Variants in OXR1 observed in about 807,000 individuals in gnomAD.
OXR1 encodes the protein oxidation resistance protein 1.
In OXR1, 41 loss-of-function variants were observed where a neutral mutation model predicts 104.6. That is an observed-to-expected ratio of 0.39 (90% confidence interval 0.31 to 0.51). The LOEUF is 0.51. Among genes scored for constraint, OXR1 ranks in the 20% least tolerant of loss-of-function variants. The pLI is 0.77. For synonymous variants in OXR1, 348 were observed against 348.4 expected (o/e 1.00, Z 0.01); for missense variants, 955 against 1,031.9 (o/e 0.93, Z 1.02).
chr8:106,387,368 G>A (rs1161184370), intron 2 of OXR1, among the ~76,000 whole-genome samples: 1 of 152,120 alleles, frequency 6.6e-6, no homozygotes, highest in Non-Finnish European at 1.5e-5. Context: ...AAGCTGGTGG[G>A]TTTACCACAG....
chr8:106,509,367 A>T (rs929236659), intron 2 of OXR1, among the ~76,000 whole-genome samples: 3 of 152,228 alleles, frequency 2.0e-5, no homozygotes, highest in Non-Finnish European at 4.4e-5. Flanking sequence ...TAGTGACATA[A>T]TCAGAAAGCA....
At chr8:106,560,942 T>G (rs755566679) in intron 3 of OXR1, among the ~76,000 whole-genome samples, 3 of 152,112 alleles carry the variant, frequency 2.0e-5, no homozygotes, top group Non-Finnish European at 4.4e-5. Context: ...AGGGAAGCTG[T>G]GAGGGACTGT....
At chr8:106,454,460 C>CAA (rs954067249) in intron 2 of OXR1, among the ~76,000 whole-genome samples, 4 of 63,664 alleles carry the variant, frequency 6.3e-5, no homozygotes, top group African/African-American at 2.3e-4. Context: ...GACTCTGTCT[C>CAA]AAAAAAAAAA....
chr8:106,361,028 T>C (rs1366540592), intron 2 of OXR1, among the ~76,000 whole-genome samples: 1 of 152,220 alleles, frequency 6.6e-6, no homozygotes, highest in East Asian at 1.9e-4. Flanking sequence ...CTGGCCTCGG[T>C]GCATGCTTCT....
chr8:106,729,407 A>G (rs1833665420), intron 11 of OXR1, among the ~76,000 whole-genome samples: 1 of 152,066 alleles, frequency 6.6e-6, no homozygotes, highest in African/African-American at 2.4e-5. Flanking sequence ...TATACTTTAT[A>G]CATATTATTT....
chr8:106,739,153 AG>A (rs926682075), intron 12 of OXR1, among the ~76,000 whole-genome samples: 4 of 150,740 alleles, frequency 2.7e-5, no homozygotes, highest in African/African-American at 4.9e-5. Context: ...TTGCCCTTCA[AG>A]GGCTTAATTA....
intron 3 of OXR1, among the ~76,000 whole-genome samples, chr8:106,588,080 T>C (rs867222372): frequency 1.3e-5 from 2 of 151,964 alleles, no homozygotes; most frequent in African/African-American, 4.8e-5. Flanking sequence ...GCCTCCCAAG[T>C]AGCTGGGACT....
intron 2 of OXR1, among the ~76,000 whole-genome samples, chr8:106,368,000 G>T (rs1816547557): frequency 1.3e-5 from 2 of 152,150 alleles, no homozygotes; most frequent in African/African-American, 4.8e-5. Context: ...AGGGAGGCAT[G>T]TAGGCCAAGA....
chr8:106,305,251 T>A (rs1813421902), intron 1 of OXR1, among the ~76,000 whole-genome samples: 1 of 152,158 alleles, frequency 6.6e-6, no homozygotes, highest in African/African-American at 2.4e-5. Flanking sequence ...CAAATTTGTG[T>A]TAACAAGTTT....
chr8:106,307,730 T>A (rs1481537376), intron 1 of OXR1, among the ~76,000 whole-genome samples: 1 of 152,084 alleles, frequency 6.6e-6, no homozygotes, highest in Non-Finnish European at 1.5e-5. Context: ...AATGAGTACA[T>A]AGTTTGACAT....
At chr8:106,465,694 G>A (rs1278912092) in intron 2 of OXR1, among the ~76,000 whole-genome samples, 1 of 151,914 alleles carries the variant, frequency 6.6e-6, no homozygotes, top group East Asian at 1.9e-4. Context: ...AATGATACCA[G>A]GGTTTTTGTT....
intron 2 of OXR1, among the ~76,000 whole-genome samples, chr8:106,393,875 C>T (rs1817675998): frequency 6.6e-6 from 1 of 151,678 alleles, no homozygotes; most frequent in South Asian, 2.1e-4. Flanking sequence ...ATTTGATATT[C>T]CTATATATTT....
At chr8:106,656,465 C>T (rs1825088115) in intron 3 of OXR1, 1 of 152,232 alleles carries the variant, frequency 6.6e-6, no homozygotes, top group Non-Finnish European at 1.5e-5. Context: ...TCCCAAAGGC[C>T]CCATCTCCTA....
At chr8:106,683,085 A>G (rs540092768) in intron 4 of OXR1, 114 bp from the exon 5 acceptor site, 1 of 549,976 alleles carries the variant, frequency 1.8e-6, no homozygotes, top group African/African-American at 1.9e-5. Flanking sequence ...AGATGACAAT[A>G]CCAGTTGTTA....
chr8:106,453,425 T>C (rs1820432677), intron 2 of OXR1, among the ~76,000 whole-genome samples: 1 of 152,222 alleles, frequency 6.6e-6, no homozygotes, highest in Non-Finnish European at 1.5e-5. Context: ...GCAGTTGAAA[T>C]TGTCTGCTGG....
In OXR1 at chr8:106,344,404, C is replaced by A. The variant is rs140240840; in HGVS notation, c.-138-15072C>A. Among the ~76,000 whole-genome samples, 521 of 152,320 alleles carry A rather than the reference C, an allele frequency of 3.4e-3. 4 individuals carry two copies. The highest frequency in any genetic ancestry group is 0.012 in the African/African-American group (494 of 41,570). ...TCAAGCTGGAGAGCAGTGGCACAAT[C>A]TCGGCTCACTGCAACCTCCGCCTCC... On this transcript the variant is annotated intron_variant, in intron 1 of 16. Coordinates refer to ENST00000517566, the MANE Select transcript of OXR1 (RefSeq NM_001198533.2).
At chr8:106,378,113 C>G (rs17252342) in intron 2 of OXR1, among the ~76,000 whole-genome samples, 13,952 of 152,240 alleles carry the variant, frequency 0.092, 709 homozygotes, top group Middle Eastern at 0.14. Context: ...GTCCATCAAC[C>G]TGTCACATTA....
At chr8:106,310,102 A>G (rs1281899079) in intron 1 of OXR1, among the ~76,000 whole-genome samples, 1 of 151,878 alleles carries the variant, frequency 6.6e-6, no homozygotes, top group Admixed American at 6.6e-5. Context: ...TTAGTCATAA[A>G]TTTTCAGTTA....
intron 3 of OXR1, among the ~76,000 whole-genome samples, chr8:106,523,940 A>G (rs1229961257): frequency 6.6e-6 from 1 of 151,728 alleles, no homozygotes; most frequent in African/African-American, 2.4e-5. Flanking sequence ...ATGCCTGGCT[A>G]AGTTTTTGTA....
Sources: gnomAD v4.1 joint callset for allele counts (sites outside exome capture counted in the v4.1 genomes callset) on GRCh38, gnomAD v4.1.1 for gene constraint, MANE v1.5 for transcripts, NCBI Gene and HGNC (gene_info 2026-07-23, HGNC 2026-07-21) for gene names.